The following PPFIBP2 variants were observed in gnomAD, a reference collection of about 807,000 sequenced individuals.
The protein encoded by PPFIBP2 is PPFIB scaffold protein 2.
A neutral mutation model predicts 118.3 loss-of-function variants in PPFIBP2; 118 were observed. The observed-to-expected ratio is 1.00, with a 90% CI of 0.86 to 1.16. PPFIBP2 has a LOEUF of 1.16. Among genes scored for constraint, PPFIBP2 ranks in the 50% most tolerant of loss-of-function variants. The probability of loss-of-function intolerance (pLI) is 0.00; values close to 1 mark genes in which losing one functional copy is unlikely to be tolerated. For missense variants in PPFIBP2, 1,195 were observed against 1,073.1 expected (o/e 1.11, Z -1.59); for synonymous variants, 414 against 397.4 (o/e 1.04, Z -0.50).
the PPFIBP2 span, chr11:7,666,892 A>C: frequency 4.9e-6 from 1 of 203,676 alleles, no homozygotes; most frequent in Non-Finnish European, 1.0e-5. Context: ...ACTGAGCTCT[A>C]GCACAGCAAA....
intron 14 of PPFIBP2, among the ~76,000 whole-genome samples, chr11:7,637,440 G>C (rs1851598075): frequency 6.6e-6 from 1 of 152,190 alleles, no homozygotes; most frequent in South Asian, 2.1e-4. Context: ...GCAAACCTGA[G>C]GTAGGAATTG....
At chr11:7,627,380 A>G (rs1215223832) in intron 8 of PPFIBP2, among the ~76,000 whole-genome samples, 1 of 152,212 alleles carries the variant, frequency 6.6e-6, no homozygotes, top group Non-Finnish European at 1.5e-5. Flanking sequence ...CCATAGATCT[A>G]CTGTTGCTAT....
chr11:7,665,368 G>T, the PPFIBP2 span: 2 of 1,497,494 alleles, frequency 1.3e-6, no homozygotes, highest in Middle Eastern at 3.5e-4. Flanking sequence ...TGAGCACGTG[G>T]AGGTGTTAGT....
intron 3 of PPFIBP2, among the ~76,000 whole-genome samples, chr11:7,590,291 T>G (rs985688045): frequency 1.3e-5 from 2 of 152,236 alleles, no homozygotes; most frequent in Non-Finnish European, 2.9e-5. Flanking sequence ...TCTGACTTCA[T>G]CAAAAGCAAA....
At chr11:7,577,935 C>A (rs1856691110) in intron 3 of PPFIBP2, among the ~76,000 whole-genome samples, 1 of 152,222 alleles carries the variant, frequency 6.6e-6, no homozygotes, top group Non-Finnish European at 1.5e-5. Context: ...AGGCTCCAAA[C>A]ACCGTGACCA....
At chr11:7,526,931 C>T (rs984428214) in intron 1 of PPFIBP2, among the ~76,000 whole-genome samples, 15 of 152,048 alleles carry the variant, frequency 9.9e-5, no homozygotes, top group African/African-American at 3.6e-4. Flanking sequence ...GTTTTAGACT[C>T]ACTTGCCACC....
intron 4 of PPFIBP2, 193 bp from the exon 5 acceptor site, chr11:7,597,367 T>TCGGTAAGGTAA: frequency 6.5e-7 from 1 of 1,536,124 alleles, no homozygotes; most frequent in Non-Finnish European, 8.7e-7. Context: ...CGAGACTCCC[T>TCGGTAAGGTAA]GGTAAGGTAA....
intron 23 of PPFIBP2, 127 bp downstream of exon 23, chr11:7,651,971 C>T: frequency 1.1e-6 from 1 of 914,138 alleles, no homozygotes; most frequent in South Asian, 2.0e-5. Context: ...CTTTCAGCTT[C>T]TGCTGTGGGC....
At chr11:7,643,479 A>G (rs11041493) in intron 17 of PPFIBP2, among the ~76,000 whole-genome samples, 2,269 of 152,338 alleles carry the variant, frequency 0.015, 30 homozygotes, top group Non-Finnish European at 0.023. Context: ...TTGCCAAAGG[A>G]AAAAACTGCA....
chr11:7,546,099 C>T (rs1488899943), intron 1 of PPFIBP2, among the ~76,000 whole-genome samples: 1 of 152,168 alleles, frequency 6.6e-6, no homozygotes, highest in Non-Finnish European at 1.5e-5. Context: ...CTCCATGCAT[C>T]CCTCCCCACT....
At chr11:7,650,557 G>A (rs566386485) in intron 21 of PPFIBP2, among the ~76,000 whole-genome samples, 4 of 152,314 alleles carry the variant, frequency 2.6e-5, no homozygotes, top group African/African-American at 9.6e-5. Flanking sequence ...TAACTATAAT[G>A]TCCTCATTTA....
chr11:7,662,660 C>T, the PPFIBP2 span, among the ~76,000 whole-genome samples: 38 of 145,612 alleles, frequency 2.6e-4, no homozygotes, highest in Admixed American at 4.2e-4. Context: ...ATCTTTCTGG[C>T]GTTCTCTGTA....
intron 5 of PPFIBP2, among the ~76,000 whole-genome samples, chr11:7,610,056 T>A (rs1847879028): frequency 1.3e-5 from 2 of 152,222 alleles, no homozygotes; most frequent in Non-Finnish European, 2.9e-5. Flanking sequence ...ATTTGAGAAA[T>A]GTAGCTCACC....
intron 7 of PPFIBP2, 67 bp from the exon 8 acceptor site, chr11:7,625,710 C>T (rs577811813): frequency 6.8e-6 from 9 of 1,316,712 alleles, no homozygotes; most frequent in African/African-American, 1.4e-5. Flanking sequence ...TGGACTCTGA[C>T]GGGAGGCACT....
chr11:7,623,184 T>C (rs1849562656), intron 7 of PPFIBP2, among the ~76,000 whole-genome samples: 1 of 151,478 alleles, frequency 6.6e-6, no homozygotes, highest in East Asian at 2.0e-4. Context: ...AGCACTGTTT[T>C]TGGAAGTTTT....
At chr11:7,597,056 C>A in intron 4 of PPFIBP2, 1 of 879,188 alleles carries the variant, frequency 1.1e-6, no homozygotes, top group Non-Finnish European at 1.6e-6. Flanking sequence ...CTAATACATG[C>A]CCTTTACAGC....
At chr11:7,655,386 A>G (rs958120235), downstream of PPFIBP2, 7 of 1,263,574 alleles carry the variant, frequency 5.5e-6, no homozygotes, top group African/African-American at 1.1e-4. Context: ...TCTCTGAATC[A>G]CAAGCTGCAT....
chr11:7,526,796 TG>T (rs891867409), intron 1 of PPFIBP2, among the ~76,000 whole-genome samples: 2 of 152,104 alleles, frequency 1.3e-5, no homozygotes, highest in Non-Finnish European at 1.5e-5. Context: ...TGACAAGGGC[TG>T]GGAGAGGGGA....
intron 2 of PPFIBP2, among the ~76,000 whole-genome samples, chr11:7,555,183 C>T (rs1054953088): frequency 6.6e-6 from 1 of 152,080 alleles, no homozygotes; most frequent in Non-Finnish European, 1.5e-5. Context: ...GGCAGGGGAC[C>T]AGAGAGCCAC....
Sources: allele counts gnomAD v4.1 joint callset (sites outside exome capture counted in the v4.1 genomes callset), GRCh38; gene constraint gnomAD v4.1.1; transcripts MANE v1.5; gene names NCBI Gene and HGNC (gene_info 2026-07-23, HGNC 2026-07-21).